Variants in CNTLN observed in about 807,000 individuals in gnomAD.
The protein encoded by CNTLN is centlein, centrosomal protein.
Under a neutral mutation model 180.0 loss-of-function variants are expected in CNTLN, and 212 were observed. The observed-to-expected ratio is 1.18, with a 90% confidence interval of 1.05 to 1.32. The LOEUF is 1.32. Ranked by LOEUF, CNTLN falls within the 40% of genes most tolerant of loss-of-function variation. CNTLN has a pLI of 0.00. For synonymous variants in CNTLN, 722 were observed against 563.1 expected (o/e 1.28, Z -3.99); for missense variants, 2,095 against 1,610.9 (o/e 1.30, Z -5.14).
At chr9:17,440,102 G>A (rs1417411609) in intron 18 of CNTLN, among the ~76,000 whole-genome samples, 3 of 152,188 alleles carry the variant, frequency 2.0e-5, no homozygotes, top group Non-Finnish European at 2.9e-5. Flanking sequence ...AGACTAATAA[G>A]TTGACAAACA....
intron 12 of CNTLN, among the ~76,000 whole-genome samples, chr9:17,346,887 G>C (rs956188165): frequency 2.6e-5 from 4 of 152,218 alleles, no homozygotes; most frequent in African/African-American, 7.2e-5. Flanking sequence ...AGGTCACTGA[G>C]GGTCTCTTCA....
chr9:17,219,234 C>CT (rs138009140), intron 2 of CNTLN, among the ~76,000 whole-genome samples: 5,726 of 138,456 alleles, frequency 0.041, 291 homozygotes, highest in African/African-American at 0.13. Context: ...CTGGCAGTGT[C>CT]TTTTTTTTTC....
chr9:17,343,629 T>G (rs1344941848), intron 12 of CNTLN, among the ~76,000 whole-genome samples: 1 of 152,208 alleles, frequency 6.6e-6, no homozygotes, highest in African/African-American at 2.4e-5. Context: ...GACTCATAGA[T>G]TTGTCTCAGA....
chr9:17,517,650 C>G, the CNTLN span, among the ~76,000 whole-genome samples: 1 of 152,014 alleles, frequency 6.6e-6, no homozygotes, highest in Non-Finnish European at 1.5e-5. Context: ...GACTGCCAGC[C>G]ACCACCAGGA....
At chr9:17,485,881 G>A (rs1477274677) in intron 24 of CNTLN, among the ~76,000 whole-genome samples, 1 of 152,030 alleles carries the variant, frequency 6.6e-6, no homozygotes, top group Non-Finnish European at 1.5e-5. Flanking sequence ...TGTCCTCTTT[G>A]AATATGTGAA....
intron 12 of CNTLN, among the ~76,000 whole-genome samples, chr9:17,356,901 C>A (rs1822894407): frequency 6.6e-6 from 1 of 152,064 alleles, no homozygotes; most frequent in African/African-American, 2.4e-5. Flanking sequence ...CTGCCCTCCC[C>A]ATATACCTAA....
chr9:17,226,434 A>G, intron 3 of CNTLN, 147 bp downstream of exon 3: 1 of 465,418 alleles, frequency 2.1e-6, no homozygotes, highest in African/African-American at 2.0e-5. Context: ...GTCACTAGTA[A>G]GATTATTCTT....
chr9:17,295,659 A>T (rs943576626), intron 6 of CNTLN, among the ~76,000 whole-genome samples: 1 of 151,146 alleles, frequency 6.6e-6, no homozygotes, highest in Non-Finnish European at 1.5e-5. Flanking sequence ...TTCTTTACTT[A>T]TTTTCAAATG....
In CNTLN at chr9:17,464,520, T is replaced by G. The variant is rs1831633795; in HGVS notation, c.3428T>G (p.Ile1143Arg). ...HEKISRMERD[I>R]TMKRHLIEDL... Reference sequence around the variant, plus strand: ...AGGATATCTCGAATGGAGAGGGATATAACTATGAAAAGACATTTGATAGAG... The same window carrying G: ...AGGATATCTCGAATGGAGAGGGATAGAACTATGAAAAGACATTTGATAGAG... The change falls in exon 21 of 26, where the codon ATA becomes AGA. Residue 1143 changes from isoleucine (I) to arginine (R), a missense_variant. By Grantham distance (97) the Ile-to-Arg change is moderately conservative. Transcript: ENST00000380647. 2 of 1,533,398 alleles carry G rather than the reference T, an allele frequency of 1.3e-6. No homozygotes were observed. The highest frequency in any genetic ancestry group is 2.5e-5 in the East Asian group (1 of 39,406). 95.0% of individuals were successfully genotyped at this position (1,533,398 alleles called of 1,614,324 possible).
chr9:17,475,288 T>C (rs1421078109), intron 23 of CNTLN, among the ~76,000 whole-genome samples: 2 of 151,900 alleles, frequency 1.3e-5, no homozygotes, highest in South Asian at 2.1e-4. Context: ...GAAATGGGGG[T>C]AATGGGTTGG....
At chr9:17,203,817 G>A (rs201245569) in intron 2 of CNTLN, among the ~76,000 whole-genome samples, 1 of 152,238 alleles carries the variant, frequency 6.6e-6, no homozygotes, top group South Asian at 2.1e-4. Context: ...TCGGCCTCCC[G>A]AAGTGCTGGG....
intron 5 of CNTLN, among the ~76,000 whole-genome samples, chr9:17,248,104 G>C (rs1825913810): frequency 6.6e-6 from 1 of 152,090 alleles, no homozygotes. Context: ...GATTACATAG[G>C]CGTGAGCCAC....
At chr9:17,344,006 A>G (rs1184922471) in intron 12 of CNTLN, among the ~76,000 whole-genome samples, 1 of 152,176 alleles carries the variant, frequency 6.6e-6, no homozygotes, top group Non-Finnish European at 1.5e-5. Flanking sequence ...TTGTAAATGT[A>G]TCAATGCTTT....
At chr9:17,411,825 A>G (rs572918898) in intron 16 of CNTLN, among the ~76,000 whole-genome samples, 42 of 151,950 alleles carry the variant, frequency 2.8e-4, no homozygotes, top group African/African-American at 8.9e-4. Flanking sequence ...ATTTTCTTCC[A>G]CAAAACTGGT....
intron 13 of CNTLN, among the ~76,000 whole-genome samples, chr9:17,376,489 T>A (rs1315511638): frequency 5.3e-5 from 8 of 151,802 alleles, no homozygotes; most frequent in African/African-American, 1.7e-4. Flanking sequence ...TCTCGCTCTG[T>A]CCCTGAGGCT....
At chr9:17,505,246 T>C (rs1055435063), downstream of CNTLN, among the ~76,000 whole-genome samples, 4 of 151,862 alleles carry the variant, frequency 2.6e-5, no homozygotes, top group East Asian at 7.7e-4. Flanking sequence ...ACCAAACACT[T>C]CCCCCTATAA....
chr9:17,187,391 G>A (rs965573478), intron 2 of CNTLN, among the ~76,000 whole-genome samples: 1 of 151,946 alleles, frequency 6.6e-6, no homozygotes, highest in African/African-American at 2.4e-5. Context: ...ATGTTTTTAA[G>A]GTTGAGAAAA....
Position 17,342,059 on chromosome 9 carries a change from A to T in CNTLN, c.1767-266A>T, listed in dbSNP as rs138987851. ...TTCTACAGTGTCTGTTTTCATTACT[A>T]CTAGACTGAATGGGAGCAATAGACC... On this transcript the variant is annotated intron_variant, in intron 11 of 25. Coordinates refer to ENST00000380647, the MANE Select transcript of CNTLN (RefSeq NM_017738.4). Among the ~76,000 whole-genome samples the T allele has an allele frequency of 5.2e-3, 785 of 152,216 alleles. 5 individuals are homozygous for T. The highest frequency in any genetic ancestry group is 0.018 in the African/African-American group (754 of 41,534).
chr9:17,380,623 A>T (rs1825170925), intron 13 of CNTLN, among the ~76,000 whole-genome samples: 1 of 152,186 alleles, frequency 6.6e-6, no homozygotes, highest in South Asian at 2.1e-4. Context: ...AGCCTGACAA[A>T]TCACATGTAA....
Sources: gnomAD v4.1 joint callset for allele counts (sites outside exome capture counted in the v4.1 genomes callset) on GRCh38, gnomAD v4.1.1 for gene constraint, MANE v1.5 for transcripts, NCBI Gene and HGNC (gene_info 2026-07-23, HGNC 2026-07-21) for gene names.